DARS1: variants seen among roughly 807,000 people sequenced by gnomAD.
The protein encoded by DARS1 is aspartyl-tRNA synthetase 1, also known as aspartate--tRNA ligase, cytoplasmic.
Under a neutral mutation model 68.8 loss-of-function variants are expected in DARS1, and 51 were observed. The ratio of observed to expected loss-of-function variants is 0.74; its 90% CI spans 0.59 to 0.94. The LOEUF is 0.94. Ranked by LOEUF, DARS1 falls within the 40% of genes least tolerant of loss-of-function variation. The pLI is 0.00. For synonymous variants in DARS1, 203 were observed against 190.4 expected (o/e 1.07, Z -0.55); for missense variants, 607 against 597.3 (o/e 1.02, Z -0.17).
At chr2:135,929,202 T>C (rs1681290605) in intron 7 of DARS1, among the ~76,000 whole-genome samples, 1 of 152,228 alleles carries the variant, frequency 6.6e-6, no homozygotes, top group Non-Finnish European at 1.5e-5. Context: ...ATGACATCCC[T>C]GAGGACACCT....
At chr2:135,947,321 T>C (rs1681747337) in intron 4 of DARS1, among the ~76,000 whole-genome samples, 1 of 151,294 alleles carries the variant, frequency 6.6e-6, no homozygotes. Context: ...GGCAGAAGAA[T>C]TGCTTGAACC....
At chr2:135,967,338 G>A (rs1389299622) in intron 3 of DARS1, among the ~76,000 whole-genome samples, 1 of 152,200 alleles carries the variant, frequency 6.6e-6, no homozygotes, top group Non-Finnish European at 1.5e-5. Context: ...TTTTGGAAGT[G>A]TAAGTAAGTT....
chr2:135,941,188 A>T (rs1458442762), intron 5 of DARS1, among the ~76,000 whole-genome samples: 1 of 152,234 alleles, frequency 6.6e-6, no homozygotes, highest in Non-Finnish European at 1.5e-5. Flanking sequence ...ACCAAAAAAG[A>T]GCCTGCATTG....
intron 4 of DARS1, among the ~76,000 whole-genome samples, chr2:135,955,754 T>C (rs1241305663): frequency 7.7e-6 from 1 of 130,294 alleles, no homozygotes; most frequent in African/African-American, 2.9e-5. Flanking sequence ...TGGCACAATC[T>C]CAGCTCACTG....
chr2:135,937,717 C>T (rs1349351395), intron 5 of DARS1, among the ~76,000 whole-genome samples: 3 of 152,184 alleles, frequency 2.0e-5, no homozygotes, highest in African/African-American at 7.2e-5. Context: ...ATTTGCTTGT[C>T]TGTAAAGGAT....
intron 12 of DARS1, among the ~76,000 whole-genome samples, chr2:135,913,123 TTTGA>T (rs1174112079): frequency 6.6e-6 from 1 of 151,990 alleles, no homozygotes; most frequent in Admixed American, 6.6e-5. Context: ...GATAAACATC[TTTGA>T]TTTTTACTTT....
intron 6 of DARS1, among the ~76,000 whole-genome samples, chr2:135,933,113 A>G (rs1424312797): frequency 6.6e-6 from 1 of 152,178 alleles, no homozygotes; most frequent in Non-Finnish European, 1.5e-5. Flanking sequence ...TTATTGGGAT[A>G]TAAGAAAAAT....
At chr2:135,975,753 C>CA (rs1170740469) in intron 3 of DARS1, among the ~76,000 whole-genome samples, 19,128 of 71,520 alleles carry the variant, frequency 0.27, 2,125 homozygotes, top group Middle Eastern at 0.4. Context: ...GACCCTGACT[C>CA]AAAAAAAAAA....
At chr2:135,972,698 G>C (rs1184678453) in intron 3 of DARS1, among the ~76,000 whole-genome samples, 4 of 152,032 alleles carry the variant, frequency 2.6e-5, no homozygotes, top group African/African-American at 9.7e-5. Context: ...TTACTAACCA[G>C]AATACATAAG....
intron 5 of DARS1, among the ~76,000 whole-genome samples, chr2:135,939,993 C>T (rs1268244744): frequency 1.3e-5 from 2 of 152,092 alleles, no homozygotes; most frequent in East Asian, 3.8e-4. Flanking sequence ...CAATAACAGG[C>T]TCTGAAATTG....
At chr2:135,921,345 T>C (rs188272647) in intron 9 of DARS1, among the ~76,000 whole-genome samples, 37 of 152,078 alleles carry the variant, frequency 2.4e-4, no homozygotes, top group African/African-American at 8.7e-4. Flanking sequence ...CACTTCTTAA[T>C]ACTAACTTGT....
intron 4 of DARS1, among the ~76,000 whole-genome samples, chr2:135,959,806 C>A (rs1682062499): frequency 6.6e-6 from 1 of 152,090 alleles, no homozygotes; most frequent in South Asian, 2.1e-4. Context: ...GAATGTAACG[C>A]CGAGGTTATA....
At chr2:135,956,425 C>T (rs1681978448) in intron 4 of DARS1, among the ~76,000 whole-genome samples, 1 of 152,132 alleles carries the variant, frequency 6.6e-6, no homozygotes, top group South Asian at 2.1e-4. Flanking sequence ...GGTGATCAGA[C>T]ATCACCTGAG....
Position 135,945,417 on chromosome 2 carries a change from C to T in DARS1, c.321-1937G>A, listed in dbSNP as rs573802565. Among the ~76,000 whole-genome samples, 8 of 152,294 alleles carry T rather than the reference C, an allele frequency of 5.3e-5. No homozygotes were observed. The South Asian group carries it at 6.2e-4, about 12-fold the overall frequency. ...TGCTGGGATTACAGGCATGAGCCAT[C>T]GCGCCCGGCCCAAACACATCTGCTT... On this transcript the variant is annotated intron_variant, in intron 4 of 15. Coordinates refer to ENST00000264161, the MANE Select transcript of DARS1 (RefSeq NM_001349.4).
intron 2 of DARS1, among the ~76,000 whole-genome samples, chr2:135,981,824 G>A (rs946068533): frequency 1.3e-5 from 2 of 151,796 alleles, no homozygotes; most frequent in African/African-American, 2.4e-5. Flanking sequence ...ATGCCACCAC[G>A]CCTAGCTAAT....
chr2:135,908,637 G>A (rs1300514738), intron 15 of DARS1, among the ~76,000 whole-genome samples: 1 of 152,144 alleles, frequency 6.6e-6, no homozygotes, highest in Non-Finnish European at 1.5e-5. Context: ...TCTCATTGTG[G>A]TTTTGATTTG....
intron 15 of DARS1, among the ~76,000 whole-genome samples, chr2:135,907,717 T>C (rs974819729): frequency 6.6e-6 from 1 of 152,132 alleles, no homozygotes; most frequent in Non-Finnish European, 1.5e-5. Flanking sequence ...CAAAAGACTT[T>C]ATAAGCTTGA....
chr2:135,918,207 C>T (rs944496625), intron 10 of DARS1, among the ~76,000 whole-genome samples: 5 of 152,242 alleles, frequency 3.3e-5, no homozygotes, highest in Non-Finnish European at 7.3e-5. Flanking sequence ...GCATGAGCCA[C>T]TGAGCCCAGC....
intron 3 of DARS1, among the ~76,000 whole-genome samples, chr2:135,966,963 C>T (rs1457979007): frequency 9.2e-5 from 14 of 152,058 alleles, no homozygotes; most frequent in Admixed American, 6.5e-5. Context: ...AATTTTTTAT[C>T]GTGAAGTCTT....
Sources: allele counts gnomAD v4.1 joint callset (sites outside exome capture counted in the v4.1 genomes callset), GRCh38; gene constraint gnomAD v4.1.1; transcripts MANE v1.5; gene names NCBI Gene and HGNC (gene_info 2026-07-23, HGNC 2026-07-21).